Variants in TTC23L observed in about 807,000 individuals in gnomAD.
The protein encoded by TTC23L is tetratricopeptide repeat protein 23-like.
A neutral mutation model predicts 48.1 loss-of-function variants in TTC23L; 42 were observed. The observed-to-expected ratio is 0.87, with a 90% confidence interval of 0.68 to 1.13. The LOEUF is 1.13. Ranked by LOEUF, TTC23L falls within the 50% of genes most tolerant of loss-of-function variation. The pLI, the probability that TTC23L is intolerant of heterozygous loss-of-function variation, is 0.00. For missense variants in TTC23L, 391 were observed against 421.0 expected, an observed-to-expected ratio of 0.93 and a Z score of 0.62; for synonymous variants, 159 against 157.2, an observed-to-expected ratio of 1.01 and a Z score of -0.09.
intron 3 of TTC23L, among the ~76,000 whole-genome samples, chr5:34,846,444 C>T (rs1255399285): frequency 6.7e-6 from 1 of 149,982 alleles, no homozygotes; most frequent in Non-Finnish European, 1.5e-5. Flanking sequence ...CCTGTAATCC[C>T]AGCTACTTGG....
intron 4 of TTC23L, among the ~76,000 whole-genome samples, chr5:34,862,418 TG>T (rs1397096690): frequency 6.6e-6 from 1 of 152,220 alleles, no homozygotes; most frequent in Non-Finnish European, 1.5e-5. Flanking sequence ...TAACCTACTT[TG>T]GTCCTGGACT....
chr5:34,843,137 A>G (rs1429760153), intron 2 of TTC23L, among the ~76,000 whole-genome samples: 2 of 152,234 alleles, frequency 1.3e-5, no homozygotes, highest in Non-Finnish European at 2.9e-5. Context: ...TTCATAAAAT[A>G]TCTTAAGGTT....
At chr5:34,866,796 A>C (rs1261765156) in intron 6 of TTC23L, 96 bp from the exon 7 acceptor site, 1 of 1,240,954 alleles carries the variant, frequency 8.1e-7, no homozygotes, top group Non-Finnish European at 1.1e-6. Context: ...TGGGCCTGTG[A>C]AGGCCAAATT....
At chr5:34,893,249 G>A (rs1219269464) in intron 9 of TTC23L, among the ~76,000 whole-genome samples, 1 of 152,148 alleles carries the variant, frequency 6.6e-6, no homozygotes, top group African/African-American at 2.4e-5. Context: ...CTGGGTGAAT[G>A]GCAATGCTAT....
chr5:34,850,136 G>A (rs1302158338), intron 3 of TTC23L, 49 bp from the exon 4 acceptor site: 5 of 1,606,578 alleles, frequency 3.1e-6, no homozygotes, highest in Non-Finnish European at 4.3e-6. Context: ...CCATGGGGTA[G>A]AGACTTCTCT....
At chr5:34,902,998 T>C (rs1763546190), downstream of TTC23L, among the ~76,000 whole-genome samples, 1 of 150,624 alleles carries the variant, frequency 6.6e-6, no homozygotes, top group Non-Finnish European at 1.5e-5. Flanking sequence ...AAATGGCCAT[T>C]CAGACTCCAT....
the TTC23L span, chr5:34,922,820 GTT>G: frequency 6.7e-7 from 1 of 1,496,656 alleles, no homozygotes; most frequent in African/African-American, 1.4e-5. Flanking sequence ...TGGCATGGTT[GTT>G]TTTAGTAGAT....
At chr5:34,911,466 T>A in the TTC23L span, 176 of 1,465,902 alleles carry the variant, frequency 1.2e-4, 1 homozygote, top group African/African-American at 2.1e-3. Context: ...AAAATGTGGA[T>A]AATAAAAATT....
chr5:34,886,803 C>T (rs1010254304), intron 9 of TTC23L, among the ~76,000 whole-genome samples: 6 of 152,140 alleles, frequency 3.9e-5, no homozygotes, highest in Non-Finnish European at 7.4e-5. Flanking sequence ...AAGAGTAACA[C>T]CCTAATCTTG....
At chr5:34,904,947 A>G in the TTC23L span, among the ~76,000 whole-genome samples, 2 of 152,238 alleles carry the variant, frequency 1.3e-5, no homozygotes, top group African/African-American at 4.8e-5. Context: ...GAGAGCCACT[A>G]CTAGTATCTA....
chr5:34,868,733 A>C (rs1761235270), intron 7 of TTC23L, 172 bp from the exon 8 acceptor site: 1 of 596,764 alleles, frequency 1.7e-6, no homozygotes. Flanking sequence ...AATCCTTCCC[A>C]AACCCTAATC....
intron 8 of TTC23L, among the ~76,000 whole-genome samples, chr5:34,879,577 A>C (rs1413370149): frequency 1.3e-5 from 2 of 152,246 alleles, no homozygotes; most frequent in Admixed American, 6.5e-5. Context: ...CTGGGAGTTT[A>C]ATATGGTAGT....
At chr5:34,859,845 T>C (rs1333585830) in intron 4 of TTC23L, among the ~76,000 whole-genome samples, 14 of 109,490 alleles carry the variant, frequency 1.3e-4, no homozygotes, top group African/African-American at 6.7e-4. Flanking sequence ...TTCTTCTTTT[T>C]TTTTTTTTTT....
At chr5:34,896,798 A>G (rs762843572) in exon 10 of TTC23L, 2 of 762,152 alleles carry the variant, frequency 2.6e-6, no homozygotes, top group South Asian at 2.8e-5. Flanking sequence ...CAGATGGAGA[A>G]GAGAAGCCAT....
chr5:34,881,113 TA>T (rs1485663721), intron 9 of TTC23L, among the ~76,000 whole-genome samples: 1 of 152,178 alleles, frequency 6.6e-6, no homozygotes, highest in African/African-American at 2.4e-5. Flanking sequence ...GGAATATTAG[TA>T]AAAAAATATT....
the TTC23L span, chr5:34,915,758 A>T: frequency 6.2e-7 from 1 of 1,603,698 alleles, no homozygotes; most frequent in East Asian, 2.2e-5. Flanking sequence ...ACCAAGAGGA[A>T]ACGGCGTGGA....
At chr5:34,839,898 A>G (rs1281542165) in intron 1 of TTC23L, among the ~76,000 whole-genome samples, 3 of 152,122 alleles carry the variant, frequency 2.0e-5, no homozygotes, top group African/African-American at 7.2e-5. Context: ...AGACACATGA[A>G]TTTCATTTTA....
chr5:34,892,363 G>A (rs1460467012), intron 9 of TTC23L, among the ~76,000 whole-genome samples: 1 of 152,160 alleles, frequency 6.6e-6, no homozygotes, highest in African/African-American at 2.4e-5. Context: ...ATAGTTGCAA[G>A]GGCCTCAAAT....
chr5:34,885,859 A>C (rs995448906), intron 9 of TTC23L, among the ~76,000 whole-genome samples: 1 of 152,234 alleles, frequency 6.6e-6, no homozygotes, highest in Non-Finnish European at 1.5e-5. Context: ...GAGAGACATT[A>C]CTTTTTAAGA....
Sources: allele counts gnomAD v4.1 joint callset (sites outside exome capture counted in the v4.1 genomes callset), GRCh38; gene constraint gnomAD v4.1.1; transcripts MANE v1.5; gene names NCBI Gene and HGNC (gene_info 2026-07-23, HGNC 2026-07-21).